Variants in MBD5 observed in about 807,000 individuals in gnomAD.
MBD5 encodes methyl-CpG binding domain protein 5, also known as methyl-CpG-binding domain protein 5.
Under a neutral mutation model 117.3 loss-of-function variants are expected in MBD5, and 13 were observed. That is an observed-to-expected ratio of 0.11 (90% CI 0.07 to 0.18). MBD5 has a LOEUF of 0.18. MBD5 is among the 10% of genes least tolerant of loss of function. MBD5 has a pLI of 1.00. For missense variants in MBD5, 1,879 were observed against 2,093.8 expected (o/e 0.90, Z 2.00); for synonymous variants, 727 against 766.4 (o/e 0.95, Z 0.85).
At chr2:148,129,521 T>C (rs1696984889) in intron 1 of MBD5, among the ~76,000 whole-genome samples, 1 of 151,808 alleles carries the variant, frequency 6.6e-6, no homozygotes. Context: ...ATAAATAAAA[T>C]AGTGACCCAG....
At chr2:148,113,940 T>G (rs80254432) in intron 1 of MBD5, among the ~76,000 whole-genome samples, 1,875 of 152,294 alleles carry the variant, frequency 0.012, 44 homozygotes, top group African/African-American at 0.043. Flanking sequence ...CCTGATTCTT[T>G]TCATCAACAG....
chr2:148,411,786 C>G (rs543724860), intron 4 of MBD5, among the ~76,000 whole-genome samples: 2 of 151,936 alleles, frequency 1.3e-5, no homozygotes, highest in Non-Finnish European at 2.9e-5. Context: ...TTCTTGCATT[C>G]TGTAGGTTGT....
At chr2:148,282,572 A>G (rs906289933) in intron 3 of MBD5, among the ~76,000 whole-genome samples, 33 of 150,988 alleles carry the variant, frequency 2.2e-4, no homozygotes, top group Non-Finnish European at 4.3e-4. Context: ...GTGTGTGTGT[A>G]TATATATATA....
In MBD5 at chr2:148,483,919, G is replaced by A; in HGVS notation, c.3328G>A (p.Ala1110Thr). 1 of 1,550,522 alleles carries A rather than the reference G, an allele frequency of 6.4e-7. No homozygotes were observed. The highest frequency in any genetic ancestry group is 2.4e-5 in the East Asian group (1 of 40,918). Residue 1110 changes from alanine to threonine, a missense_variant, in exon 9 of 14, where the codon GCA becomes ACA. Ala to Thr is a moderately conservative substitution (Grantham distance 58, BLOSUM62 0). Around this residue, in one of 4 missense-constraint regions of MBD5, gnomAD observed 1,666 missense variants for 1,792.2 expected, o/e 0.93. Coordinates refer to ENST00000642680, the MANE Select transcript of MBD5 (RefSeq NM_001378120.1). Reference sequence around the variant, plus strand: ...CGCTAATCATCCAGAGGTTTCCATAGCAACCTCCTCCCAGGCAACCACTAC... The same window carrying A: ...CGCTAATCATCCAGAGGTTTCCATAACAACCTCCTCCCAGGCAACCACTAC... Reference protein sequence around the residue: ...NTANHPEVSIATSSQATTTTT... With the variant: ...NTANHPEVSITTSSQATTTTT...
At chr2:148,252,281 T>TAG (rs1397345461) in intron 3 of MBD5, among the ~76,000 whole-genome samples, 1 of 151,944 alleles carries the variant, frequency 6.6e-6, no homozygotes, top group Non-Finnish European at 1.5e-5. Flanking sequence ...TGAACATAGC[T>TAG]AGACACCCTC....
intron 1 of MBD5, among the ~76,000 whole-genome samples, chr2:148,124,145 C>T (rs1696833850): frequency 6.6e-6 from 1 of 151,894 alleles, no homozygotes; most frequent in Non-Finnish European, 1.5e-5. Context: ...CCAGGTGTGG[C>T]AGCACAAGCC....
chr2:148,151,169 C>T (rs542838862), intron 1 of MBD5, among the ~76,000 whole-genome samples: 2 of 151,372 alleles, frequency 1.3e-5, no homozygotes, highest in African/African-American at 2.4e-5. Context: ...TGAATTTTGT[C>T]AAAGGCTTTT....
At position 148,490,027 on chromosome 2, in the gene MBD5, C is replaced by T; in HGVS notation, c.4395C>T (p.Asn1465=). 1 of 1,613,970 alleles carries T rather than the reference C, an allele frequency of 6.2e-7. No individual in the cohort carries two copies. Among genetic ancestry groups the T allele is most frequent in the African/African-American group, 1.3e-5 (1 of 74,988 alleles). Residue 1465 remains asparagine, a synonymous_variant, in exon 11 of 14, where the codon AAC becomes AAT. Coordinates refer to ENST00000642680, the MANE Select transcript of MBD5 (RefSeq NM_001378120.1). ...IHSSPCHERP[N]NVSTLPFLPG... is the part of the protein sequence containing the mutation. Reference sequence around the variant, plus strand: ...GTAGTCCTTGTCATGAAAGGCCCAACAATGTCTCTACACTGCCATTTCTGC... The same window carrying T: ...GTAGTCCTTGTCATGAAAGGCCCAATAATGTCTCTACACTGCCATTTCTGC...
chr2:148,276,271 G>GATCATGCC lies in MBD5; in HGVS notation c.-680+42878_-680+42885dup, dbSNP rs370693380. 9.1e-3 allele frequency among the ~76,000 whole-genome samples: 1,386 copies of GATCATGCC among 152,240 alleles called. 16 individuals carry two copies. Among genetic ancestry groups the GATCATGCC allele is most frequent in the African/African-American group, 0.032 (1,330 of 41,528 alleles). Reference sequence around the variant, plus strand: ...GGAGTTGAAAGCTGCAGTAAGCTATGATCATGCCACTGCACTCCACCCTAA... The same window carrying GATCATGCC: ...GGAGTTGAAAGCTGCAGTAAGCTATGATCATGCCATCATGCCACTGCACTCCACCCTAA... On this transcript the variant is annotated intron_variant, in intron 3 of 13. Transcript: ENST00000642680.
intron 3 of MBD5, among the ~76,000 whole-genome samples, chr2:148,288,118 T>C (rs1701405682): frequency 6.6e-6 from 1 of 151,910 alleles, no homozygotes; most frequent in South Asian, 2.1e-4. Context: ...AAGTGATTTC[T>C]GGCCGGGCGC....
rs1682282693 is a variant in MBD5 at position 148,513,779 on chromosome 2, T to C, written c.*838T>C. 1 of 152,248 alleles carries C rather than the reference T, an allele frequency of 6.6e-6. No individual in the cohort carries two copies. Among genetic ancestry groups the C allele is most frequent in the Non-Finnish European group, 1.5e-5 (1 of 68,036 alleles). 9.4% of individuals were successfully genotyped at this position (152,248 alleles called of 1,614,324 possible). A position where few individuals can be genotyped will look rare whatever the true frequency, so the allele number is the denominator to read the frequency against. On this transcript the variant is annotated 3_prime_UTR_variant, in exon 14 of 14. Transcript: ENST00000642680. ...AAAAAAAATCTTAGATGGAATATTTTACTCAGCCATTTCTGTAGTTAACAT... is the reference window on the plus strand; with the variant it reads ...AAAAAAAATCTTAGATGGAATATTTCACTCAGCCATTTCTGTAGTTAACAT...
intron 1 of MBD5, chr2:148,054,900 C>T (rs1694815406): frequency 6.6e-6 from 1 of 152,120 alleles, no homozygotes; most frequent in Non-Finnish European, 1.5e-5. Flanking sequence ...TGAGAGTTTC[C>T]ATTGTTTTGC....
chr2:148,397,808 C>G (rs1704776031), intron 4 of MBD5, among the ~76,000 whole-genome samples: 1 of 148,210 alleles, frequency 6.7e-6, no homozygotes, highest in Non-Finnish European at 1.5e-5. Context: ...CCCTCTCCCC[C>G]TACCCCACAA....
intron 2 of MBD5, among the ~76,000 whole-genome samples, chr2:148,230,331 G>C (rs1001492896): frequency 6.6e-6 from 1 of 152,070 alleles, no homozygotes; most frequent in Non-Finnish European, 1.5e-5. Flanking sequence ...TATGGCTACC[G>C]CTACCACATC....
chr2:148,292,768 T>C (rs1374361522), intron 3 of MBD5, among the ~76,000 whole-genome samples: 19 of 151,972 alleles, frequency 1.3e-4, no homozygotes, highest in Admixed American at 1.2e-3. Context: ...ATCTGTGCAC[T>C]CCCAAGTTTG....
intron 1 of MBD5, among the ~76,000 whole-genome samples, chr2:148,148,617 G>C (rs965143115): frequency 2.0e-5 from 3 of 152,084 alleles, no homozygotes; most frequent in South Asian, 2.1e-4. Flanking sequence ...CTAGTCCTTT[G>C]TCTATTCCTT....
intron 1 of MBD5, chr2:148,054,169 A>C (rs946233258): frequency 2.6e-5 from 4 of 152,162 alleles, no homozygotes; most frequent in Admixed American, 2.0e-4. Flanking sequence ...GGCCTCCCAA[A>C]GTGCTGGGAT....
Position 148,489,387 on chromosome 2 carries a change from T to C in MBD5, c.3755T>C (p.Val1252Ala). 6.2e-7 allele frequency: 1 copy of C among 1,614,110 alleles called. No homozygotes were observed. ...CTGCTTCCTGTCTATTTCTTCAAGGTGAGAATGCAGGAAGATGCAGCTCTC... is the reference window on the plus strand; with the variant it reads ...CTGCTTCCTGTCTATTTCTTCAAGGCGAGAATGCAGGAAGATGCAGCTCTC... ...PMACLFQNFQ[V>A]RMQEDAALLN... is the part of the protein sequence containing the mutation. The change falls in exon 11 of 14, where the codon GTG becomes GCG. Residue 1252 changes from valine to alanine, a missense_variant and splice_region_variant. Around this residue, in one of 4 missense-constraint regions of MBD5, gnomAD observed 1,666 missense variants for 1,792.2 expected, o/e 0.93. Transcript: ENST00000642680.
intron 4 of MBD5, among the ~76,000 whole-genome samples, chr2:148,360,601 T>TA (rs1249746667): frequency 6.6e-6 from 1 of 152,180 alleles, no homozygotes; most frequent in African/African-American, 2.4e-5. Flanking sequence ...ACAGAAATCT[T>TA]CCTGCTTTTT....
Sources: gnomAD v4.1 joint callset for allele counts (sites outside exome capture counted in the v4.1 genomes callset) on GRCh38, gnomAD v4.1.1 for gene constraint, gnomAD v4.1.1 regional missense constraint, MANE v1.5 for transcripts, NCBI Gene and HGNC (gene_info 2026-07-23, HGNC 2026-07-21) for gene names.